SNX29: variants seen among roughly 807,000 people sequenced by gnomAD.
SNX29 encodes sorting nexin 29, also known as sorting nexin-29.
A neutral mutation model predicts 102.1 loss-of-function variants in SNX29; 78 were observed. The ratio of observed to expected loss-of-function variants is 0.76; its 90% confidence interval spans 0.64 to 0.92. SNX29 has a LOEUF of 0.92. Ranked by LOEUF, SNX29 falls within the 40% of genes least tolerant of loss-of-function variation. The pLI is 0.00. For missense variants in SNX29, 1,280 were observed against 1,061.7 expected (o/e 1.21, Z -2.86); for synonymous variants, 580 against 414.5 (o/e 1.40, Z -4.85).
intron 13 of SNX29, among the ~76,000 whole-genome samples, chr16:12,166,227 A>C (rs534875670): frequency 1.4e-4 from 22 of 152,310 alleles, no homozygotes; most frequent in African/African-American, 5.3e-4. Context: ...CACTGAGCAA[A>C]ATACTTGGGA....
intron 3 of SNX29, among the ~76,000 whole-genome samples, chr16:12,020,351 T>TA (rs1292980885): frequency 6.6e-6 from 1 of 151,980 alleles, no homozygotes; most frequent in African/African-American, 2.4e-5. Context: ...CTTAACGCTT[T>TA]AAAAAAATTA....
chr16:12,422,077 T>C (rs2084897273), intron 18 of SNX29, among the ~76,000 whole-genome samples: 1 of 152,234 alleles, frequency 6.6e-6, no homozygotes, highest in Non-Finnish European at 1.5e-5. Flanking sequence ...AACATTGTCA[T>C]CAACAGTATT....
At chr16:12,026,685 T>C (rs534797249) in intron 3 of SNX29, among the ~76,000 whole-genome samples, 1 of 152,382 alleles carries the variant, frequency 6.6e-6, no homozygotes, top group African/African-American at 2.4e-5. Flanking sequence ...GTTCACAATG[T>C]ATTCTCTTAC....
intron 18 of SNX29, among the ~76,000 whole-genome samples, chr16:12,437,833 C>G (rs2085605863): frequency 6.6e-6 from 1 of 152,186 alleles, no homozygotes; most frequent in African/African-American, 2.4e-5. Flanking sequence ...GCTGGCCTTC[C>G]AAACCACTCT....
At chr16:12,517,404 C>A (rs1410499083) in intron 19 of SNX29, among the ~76,000 whole-genome samples, 1 of 152,210 alleles carries the variant, frequency 6.6e-6, no homozygotes, top group Non-Finnish European at 1.5e-5. Flanking sequence ...AGTTCCCTGT[C>A]TTCACTCACT....
At chr16:12,559,392 C>G (rs545468267) in intron 20 of SNX29, among the ~76,000 whole-genome samples, 1 of 151,442 alleles carries the variant, frequency 6.6e-6, no homozygotes, top group Admixed American at 6.6e-5. Context: ...CCTCTCCCAT[C>G]GCCCCCTGAA....
chr16:12,442,942 C>T (rs781579519), intron 18 of SNX29: 2 of 451,120 alleles, frequency 4.4e-6, no homozygotes, highest in Non-Finnish European at 8.9e-6. Context: ...CTTTGAATTT[C>T]ATATACTTTG....
At chr16:12,281,590 C>T in intron 15 of SNX29, among the ~76,000 whole-genome samples, 1 of 152,154 alleles carries the variant, frequency 6.6e-6, no homozygotes, top group South Asian at 2.1e-4. Flanking sequence ...TATCACAGCC[C>T]CTGTAATACT....
rs962210610 is a variant in SNX29 at position 12,570,390 on chromosome 16, G to C, written c.*1761G>C. 8 of 333,788 alleles carry C rather than the reference G, an allele frequency of 2.4e-5. No individual in the cohort carries two copies. Among genetic ancestry groups the C allele is most frequent in the Non-Finnish European group, 3.8e-5 (8 of 210,088 alleles). The allele number at this position is 333,788 out of a possible 1,614,324, so 20.7% of individuals were successfully genotyped here. On this transcript the variant is annotated 3_prime_UTR_variant, in exon 21 of 21. Coordinates refer to ENST00000566228, the MANE Select transcript of SNX29 (RefSeq NM_032167.5). ...ACACATGGTTTATCTGAAATTCCAA[G>C]GCCAGAGTGCACATCAGCTCACATG...
rs777964941 is a variant in SNX29, at chr16:12,403,470, G to C, written c.1978G>C (p.Val660Leu). The change falls in exon 18 of 21, where the codon GTC becomes CTC. Residue 660 changes from valine to leucine, a missense_variant. Physicochemically the swap from Val to Leu is conservative, Grantham distance 32. Transcript: ENST00000566228. ...TAGATCAAACCGGGCGCTGATCAAC[G>C]TCTGGATCCCCTCAGTGTTTCTCCG... ...FEISNRALINVWIPSVFLRGK... is the reference protein window; with the variant it reads ...FEISNRALINLWIPSVFLRGK... 1.9e-6 allele frequency: 3 copies of C among 1,608,936 alleles called. No homozygotes were observed. The highest frequency in any genetic ancestry group is 2.2e-5 in the East Asian group (1 of 44,758).
intron 18 of SNX29, among the ~76,000 whole-genome samples, chr16:12,405,212 A>G (rs1488340673): frequency 6.6e-6 from 1 of 152,202 alleles, no homozygotes; most frequent in Non-Finnish European, 1.5e-5. Flanking sequence ...AAATTAAAAC[A>G]TGTTATCACT....
intron 20 of SNX29, among the ~76,000 whole-genome samples, chr16:12,559,566 A>G (rs1319916702): frequency 6.6e-6 from 1 of 151,944 alleles, no homozygotes; most frequent in Non-Finnish European, 1.5e-5. Context: ...AATTTTTCTT[A>G]TACATAACTC....
chr16:12,002,318 C>G (rs1337925595), intron 2 of SNX29, among the ~76,000 whole-genome samples: 1 of 151,926 alleles, frequency 6.6e-6, no homozygotes, highest in African/African-American at 2.4e-5. Flanking sequence ...CATAGTGGCA[C>G]ATGCCTGTAA....
intron 11 of SNX29, among the ~76,000 whole-genome samples, chr16:12,124,803 T>C (rs1485898987): frequency 2.0e-5 from 3 of 152,162 alleles, no homozygotes; most frequent in African/African-American, 7.2e-5. Context: ...TCTTGCCTGG[T>C]TTTGTGGTTC....
At chr16:12,540,745 C>T (rs76284831) in intron 20 of SNX29, among the ~76,000 whole-genome samples, 7,399 of 152,226 alleles carry the variant, frequency 0.049, 309 homozygotes, top group East Asian at 0.18. Flanking sequence ...CCTTGGGGCA[C>T]CATTGATCTT....
chr16:12,141,643 T>C (rs73519825), intron 13 of SNX29, among the ~76,000 whole-genome samples: 3,755 of 152,340 alleles, frequency 0.025, 166 homozygotes, highest in African/African-American at 0.087. Context: ...TTTTAGACCA[T>C]GTAGGATAAC....
chr16:12,482,437 G>A (rs1452161516), intron 19 of SNX29, among the ~76,000 whole-genome samples: 1 of 152,052 alleles, frequency 6.6e-6, no homozygotes, highest in Non-Finnish European at 1.5e-5. Context: ...AAGTAGCTGG[G>A]ACCACAGGCA....
intron 13 of SNX29, among the ~76,000 whole-genome samples, chr16:12,142,482 G>T (rs1597029570): frequency 6.6e-6 from 1 of 152,322 alleles, no homozygotes; most frequent in Admixed American, 6.5e-5. Flanking sequence ...AGTCAAGAGG[G>T]AATATGGCTT....
intron 14 of SNX29, among the ~76,000 whole-genome samples, chr16:12,208,294 T>G (rs1485587754): frequency 1.3e-5 from 2 of 152,202 alleles, no homozygotes; most frequent in Non-Finnish European, 2.9e-5. Flanking sequence ...CATTGAGTTT[T>G]GGTGGCTGGT....
Sources: gnomAD v4.1 joint callset for allele counts (sites outside exome capture counted in the v4.1 genomes callset) on GRCh38, gnomAD v4.1.1 for gene constraint, MANE v1.5 for transcripts, NCBI Gene and HGNC (gene_info 2026-07-23, HGNC 2026-07-21) for gene names.